IFT56: variants seen among roughly 807,000 people sequenced by gnomAD.
IFT56 encodes the protein intraflagellar transport 56, also known as intraflagellar transport protein 56.
chr7:139,179,526 T>C, the IFT56 span: 200 of 1,531,262 alleles, frequency 1.3e-4, 1 homozygote, highest in South Asian at 2.2e-3. Context: ...GGTATTTTTA[T>C]TGCAAAAGCA....
the IFT56 span, among the ~76,000 whole-genome samples, chr7:139,167,710 A>G: frequency 6.6e-6 from 1 of 152,140 alleles, no homozygotes; most frequent in African/African-American, 2.4e-5. Flanking sequence ...AGGCCAAGGC[A>G]GGTGGATCAC....
chr7:139,175,553 G>A, the IFT56 span, among the ~76,000 whole-genome samples: 13 of 152,166 alleles, frequency 8.5e-5, no homozygotes, highest in Non-Finnish European at 1.3e-4. Flanking sequence ...CCATAAAAAG[G>A]ATGAGATGAG....
At chr7:139,161,860 G>T in the IFT56 span, among the ~76,000 whole-genome samples, 4 of 152,090 alleles carry the variant, frequency 2.6e-5, no homozygotes, top group South Asian at 8.3e-4. Context: ...ATGAGTTTCT[G>T]CATCTAATCT....
At chr7:139,146,138 TACAGAAG>T in the IFT56 span, among the ~76,000 whole-genome samples, 1 of 152,354 alleles carries the variant, frequency 6.6e-6, no homozygotes, top group South Asian at 2.1e-4. Flanking sequence ...CTAGATAGTC[TACAGAAG>T]ACAATTCTTT....
the IFT56 span, among the ~76,000 whole-genome samples, chr7:139,145,005 G>C: frequency 6.6e-6 from 1 of 152,108 alleles, no homozygotes; most frequent in African/African-American, 2.4e-5. Context: ...AAAATATAGA[G>C]AGATAATTCG....
the IFT56 span, among the ~76,000 whole-genome samples, chr7:139,163,279 T>C: frequency 6.7e-6 from 1 of 150,282 alleles, no homozygotes; most frequent in Non-Finnish European, 1.5e-5. Flanking sequence ...GAGGCGAAGC[T>C]TGCAGTGAGC....
the IFT56 span, among the ~76,000 whole-genome samples, chr7:139,141,291 TGTC>T: frequency 6.6e-6 from 1 of 151,090 alleles, no homozygotes; most frequent in Non-Finnish European, 1.5e-5. Flanking sequence ...CTCACTGTGT[TGTC>T]CAAGCTGGAG....
At chr7:139,153,344 A>G in the IFT56 span, among the ~76,000 whole-genome samples, 1 of 150,218 alleles carries the variant, frequency 6.7e-6, no homozygotes, top group Non-Finnish European at 1.5e-5. Flanking sequence ...CCAGCTACAC[A>G]GGAAGTTGAG....
the IFT56 span, among the ~76,000 whole-genome samples, chr7:139,156,878 A>G: frequency 3.9e-5 from 6 of 152,312 alleles, no homozygotes; most frequent in South Asian, 1.0e-3. Context: ...TTTGTAATCA[A>G]GTTTCACATG....
At chr7:139,148,496 C>T in the IFT56 span, 1 of 895,250 alleles carries the variant, frequency 1.1e-6, no homozygotes, top group South Asian at 2.0e-5. Flanking sequence ...TTTATCATTG[C>T]CACTGTGATT....
At chr7:139,161,045 G>C in the IFT56 span, 13 of 1,604,144 alleles carry the variant, frequency 8.1e-6, 1 homozygote, top group African/African-American at 1.5e-4. Flanking sequence ...TTCCCGTCTT[G>C]ACTGAGTTCA....
At chr7:139,173,452 C>T in the IFT56 span, 2 of 603,832 alleles carry the variant, frequency 3.3e-6, no homozygotes, top group South Asian at 1.8e-5. Context: ...TGGTCTCCAA[C>T]TCCTGACCTC....
the IFT56 span, among the ~76,000 whole-genome samples, chr7:139,151,879 T>A: frequency 4.5e-4 from 68 of 152,234 alleles, 1 homozygote; most frequent in Admixed American, 2.5e-3. Flanking sequence ...CTGACCAACA[T>A]GATGGAACCC....
the IFT56 span, chr7:139,172,472 G>A: frequency 2.5e-6 from 1 of 403,738 alleles, no homozygotes; most frequent in East Asian, 6.1e-5. Flanking sequence ...CCAGAGCGCT[G>A]AGCTAGATAG....
chr7:139,147,749 C>G, the IFT56 span, among the ~76,000 whole-genome samples: 1 of 152,144 alleles, frequency 6.6e-6, no homozygotes, highest in South Asian at 2.1e-4. Context: ...AAATTAGATA[C>G]AAATCATTCT....
At chr7:139,189,260 T>A in the IFT56 span, 101 of 1,272,966 alleles carry the variant, frequency 7.9e-5, no homozygotes, top group Non-Finnish European at 1.0e-4. Context: ...TCAGAGTTTA[T>A]TTTATTTTTT....
chr7:139,188,842 T>A, the IFT56 span, among the ~76,000 whole-genome samples: 1 of 152,252 alleles, frequency 6.6e-6, no homozygotes, highest in Non-Finnish European at 1.5e-5. Context: ...CCTTATTCCT[T>A]TGGCTTTGTA....
the IFT56 span, chr7:139,160,983 A>C: frequency 6.2e-7 from 1 of 1,613,730 alleles, no homozygotes; most frequent in East Asian, 2.2e-5. Context: ...ATGCTTCTTC[A>C]TCCTTTGAAT....
At chr7:139,181,315 G>A in the IFT56 span, 18 of 714,536 alleles carry the variant, frequency 2.5e-5, no homozygotes, top group Non-Finnish European at 3.5e-5. Flanking sequence ...GAGGATTCAC[G>A]TAGTGTTATA....
Sources: allele counts gnomAD v4.1 joint callset (sites outside exome capture counted in the v4.1 genomes callset), GRCh38; gene constraint gnomAD v4.1.1; transcripts MANE v1.5; gene names NCBI Gene and HGNC (gene_info 2026-07-23, HGNC 2026-07-21).